Variants in SGCZ observed in about 807,000 individuals in gnomAD.
SGCZ encodes sarcoglycan zeta.
Under a neutral mutation model 41.3 loss-of-function variants are expected in SGCZ, and 40 were observed. That is an observed-to-expected ratio of 0.97 (90% confidence interval 0.75 to 1.26). The LOEUF is 1.26. Among genes scored for constraint, SGCZ ranks in the 50% most tolerant of loss-of-function variants. The probability of loss-of-function intolerance (pLI) is 0.00; values close to 1 mark genes in which losing one functional copy is unlikely to be tolerated. For missense variants in SGCZ, 552 were observed against 369.8 expected (o/e 1.49, Z -4.04); for synonymous variants, 206 against 137.5 (o/e 1.50, Z -3.49).
At chr8:15,067,483 T>C (rs982198111) in intron 1 of SGCZ, among the ~76,000 whole-genome samples, 6 of 152,214 alleles carry the variant, frequency 3.9e-5, no homozygotes, top group Admixed American at 6.5e-5. Context: ...TTATTCAATG[T>C]GTATTAGGAC....
chr8:14,309,216 T>C (rs533203451), intron 3 of SGCZ: 5 of 1,500,780 alleles, frequency 3.3e-6, no homozygotes, highest in African/African-American at 2.8e-5. Context: ...ATCTCTAAGT[T>C]TGATACTGTT....
At chr8:14,416,616 T>C (rs1327790807) in intron 2 of SGCZ, among the ~76,000 whole-genome samples, 1 of 151,960 alleles carries the variant, frequency 6.6e-6, no homozygotes, top group Non-Finnish European at 1.5e-5. Flanking sequence ...TTGTCAATAC[T>C]GGTAAATTTT....
intron 4 of SGCZ, among the ~76,000 whole-genome samples, chr8:14,236,324 T>C (rs1806759706): frequency 1.3e-5 from 2 of 152,170 alleles, no homozygotes; most frequent in African/African-American, 2.4e-5. Context: ...GTTGTAGCAA[T>C]TAATAGATAT....
intron 1 of SGCZ, among the ~76,000 whole-genome samples, chr8:15,019,374 C>G (rs1218103834): frequency 6.6e-6 from 1 of 152,106 alleles, no homozygotes; most frequent in Non-Finnish European, 1.5e-5. Context: ...GGCGTATGCA[C>G]CCGAGTGGAA....
chr8:14,547,701 G>C (rs558684748), intron 2 of SGCZ, among the ~76,000 whole-genome samples: 38 of 152,168 alleles, frequency 2.5e-4, no homozygotes, highest in Non-Finnish European at 4.4e-4. Flanking sequence ...CCATTTTACA[G>C]ATGAAGCACC....
intron 2 of SGCZ, among the ~76,000 whole-genome samples, chr8:14,510,579 T>C (rs1993762): frequency 0.7 from 106,684 of 152,040 alleles, 37,388 homozygotes; most frequent in South Asian, 0.77. Context: ...CCACCTTTGC[T>C]TCCTATGGTT....
intron 1 of SGCZ, among the ~76,000 whole-genome samples, chr8:14,905,011 A>G (rs1799081782): frequency 6.6e-6 from 1 of 152,062 alleles, no homozygotes; most frequent in Non-Finnish European, 1.5e-5. Context: ...ATTAAATCAT[A>G]AAACTATAAA....
chr8:14,511,429 G>A (rs1299005125), intron 2 of SGCZ, among the ~76,000 whole-genome samples: 1 of 151,966 alleles, frequency 6.6e-6, no homozygotes, highest in Non-Finnish European at 1.5e-5. Context: ...AAGAGCCAGA[G>A]AAAAACTGAG....
chr8:14,189,661 A>G (rs1372994140), intron 4 of SGCZ, among the ~76,000 whole-genome samples: 1 of 152,174 alleles, frequency 6.6e-6, no homozygotes, highest in Admixed American at 6.5e-5. Flanking sequence ...CTCTAGAGAA[A>G]CTTGCTATGT....
intron 2 of SGCZ, among the ~76,000 whole-genome samples, chr8:14,417,065 G>A (rs1415389247): frequency 3.3e-5 from 5 of 151,708 alleles, no homozygotes; most frequent in Non-Finnish European, 4.4e-5. Context: ...AGAAAATAAG[G>A]CCGGGCAAGA....
chr8:14,835,651 C>T (rs1802673132), intron 1 of SGCZ, among the ~76,000 whole-genome samples: 1 of 152,184 alleles, frequency 6.6e-6, no homozygotes, highest in African/African-American at 2.4e-5. Flanking sequence ...TTTGATATTC[C>T]ACCATTTATC....
intron 1 of SGCZ, among the ~76,000 whole-genome samples, chr8:15,178,050 T>G (rs368247756): frequency 1.1e-4 from 16 of 152,230 alleles, no homozygotes; most frequent in African/African-American, 3.4e-4. Flanking sequence ...TGCAATTTGC[T>G]CCATGTAAAC....
chr8:15,010,191 T>G (rs1023368028), intron 1 of SGCZ, among the ~76,000 whole-genome samples: 3 of 152,178 alleles, frequency 2.0e-5, no homozygotes, highest in African/African-American at 7.2e-5. Context: ...AAACTAAACA[T>G]TTGTTTTACA....
At chr8:14,202,975 G>C (rs575316457) in intron 4 of SGCZ, among the ~76,000 whole-genome samples, 1 of 152,256 alleles carries the variant, frequency 6.6e-6, no homozygotes, top group African/African-American at 2.4e-5. Context: ...TCTCGTGATA[G>C]TAAATGAATC....
At chr8:14,669,033 T>A (rs1022204724) in intron 1 of SGCZ, among the ~76,000 whole-genome samples, 2 of 152,006 alleles carry the variant, frequency 1.3e-5, no homozygotes, top group African/African-American at 4.8e-5. Flanking sequence ...TACAATATTG[T>A]GCACTAGAGG....
At chr8:14,868,636 T>A (rs976624411) in intron 1 of SGCZ, among the ~76,000 whole-genome samples, 4 of 152,092 alleles carry the variant, frequency 2.6e-5, no homozygotes, top group African/African-American at 9.7e-5. Context: ...AAGCACATAT[T>A]GATGGGAAAG....
chr8:14,613,379 C>A (rs903382907), intron 1 of SGCZ, among the ~76,000 whole-genome samples: 2 of 151,990 alleles, frequency 1.3e-5, no homozygotes, highest in African/African-American at 4.8e-5. Flanking sequence ...GGATAATTAA[C>A]AAAAGAAATA....
chr8:14,273,274 A>G (rs1039329300), intron 3 of SGCZ, among the ~76,000 whole-genome samples: 1 of 152,282 alleles, frequency 6.6e-6, no homozygotes. Flanking sequence ...CAGTGCTGCC[A>G]TTTTAATTAC....
At chr8:15,193,527 C>T (rs185766137) in intron 1 of SGCZ, among the ~76,000 whole-genome samples, 3 of 152,128 alleles carry the variant, frequency 2.0e-5, no homozygotes, top group African/African-American at 7.2e-5. Flanking sequence ...AAAACCACCA[C>T]CAGCAACAAA....
Sources: allele counts gnomAD v4.1 joint callset (sites outside exome capture counted in the v4.1 genomes callset), GRCh38; gene constraint gnomAD v4.1.1; transcripts MANE v1.5; gene names NCBI Gene and HGNC (gene_info 2026-07-23, HGNC 2026-07-21).